NFIB: variants seen among roughly 807,000 people sequenced by gnomAD.
NFIB encodes the protein nuclear factor 1 B-type.
Under a neutral mutation model 61.5 loss-of-function variants are expected in NFIB, and 11 were observed. The observed-to-expected ratio is 0.18, with a 90% confidence interval of 0.11 to 0.30. NFIB has a LOEUF of 0.30. Among genes scored for constraint, NFIB ranks in the 10% least tolerant of loss-of-function variants. The pLI is 1.00. For missense variants in NFIB, 471 were observed against 608.9 expected, an observed-to-expected ratio of 0.77 and a Z score of 2.38; for synonymous variants, 260 against 216.5, an observed-to-expected ratio of 1.20 and a Z score of -1.76.
chr9:14,325,500 T>C (rs1479275331), intron 1 of NFIB, among the ~76,000 whole-genome samples: 2 of 152,202 alleles, frequency 1.3e-5, no homozygotes, highest in African/African-American at 4.8e-5. Context: ...TAATTATTTC[T>C]AAAAGGCTTG....
At chr9:14,102,691 C>G (rs1161914658) in intron 10 of NFIB, among the ~76,000 whole-genome samples, 2 of 151,580 alleles carry the variant, frequency 1.3e-5, no homozygotes, top group Non-Finnish European at 2.9e-5. Context: ...TTCCTAGACT[C>G]TTTTTTAGAA....
At chr9:14,312,543 T>G (rs966845103) in intron 1 of NFIB, among the ~76,000 whole-genome samples, 2 of 152,326 alleles carry the variant, frequency 1.3e-5, no homozygotes, top group East Asian at 3.9e-4. Context: ...GTTAGTTCCC[T>G]GGGCAGCGAT....
At chr9:14,493,387 T>A in the NFIB span, among the ~76,000 whole-genome samples, 1 of 152,298 alleles carries the variant, frequency 6.6e-6, no homozygotes, top group South Asian at 2.1e-4. Flanking sequence ...ATGCTAAATG[T>A]AATTTCACAG....
At chr9:14,093,971 T>C (rs1046575133) in intron 10 of NFIB, among the ~76,000 whole-genome samples, 8 of 152,124 alleles carry the variant, frequency 5.3e-5, no homozygotes, top group Non-Finnish European at 5.9e-5. Context: ...GGTACTGTTC[T>C]ACATGCTTGA....
intron 1 of NFIB, among the ~76,000 whole-genome samples, chr9:14,363,947 C>A (rs1276657528): frequency 6.6e-6 from 1 of 152,228 alleles, no homozygotes; most frequent in African/African-American, 2.4e-5. Context: ...TCTCCTTAAC[C>A]AATTGCCTAT....
chr9:14,430,574 C>CTATT, the NFIB span, among the ~76,000 whole-genome samples: 128 of 150,872 alleles, frequency 8.5e-4, no homozygotes, highest in East Asian at 6.7e-3. Flanking sequence ...CCCTGAAATG[C>CTATT]TATTTATTTA....
chr9:14,121,671 G>C (rs1586833733), intron 7 of NFIB, among the ~76,000 whole-genome samples: 3 of 152,132 alleles, frequency 2.0e-5, no homozygotes, highest in South Asian at 2.1e-4. Context: ...AAAAGATATT[G>C]TTAATATAAA....
the NFIB span, among the ~76,000 whole-genome samples, chr9:14,524,711 TAGC>T: frequency 2.0e-5 from 3 of 152,244 alleles, 1 homozygote; most frequent in African/African-American, 7.2e-5. Flanking sequence ...CTTTTGAGTT[TAGC>T]AGCAGAATTT....
intron 1 of NFIB, among the ~76,000 whole-genome samples, chr9:14,386,705 T>G (rs922818394): frequency 1.3e-5 from 2 of 152,234 alleles, no homozygotes; most frequent in Non-Finnish European, 2.9e-5. Flanking sequence ...TGAATGTTAG[T>G]GCTTCTATTT....
chr9:14,209,140 A>C (rs1018175151), intron 2 of NFIB, among the ~76,000 whole-genome samples: 5 of 152,228 alleles, frequency 3.3e-5, no homozygotes. Context: ...AGTGGGAAAA[A>C]TGCTGCAGAT....
At chr9:14,254,374 A>T (rs1350601283) in intron 2 of NFIB, among the ~76,000 whole-genome samples, 1 of 152,118 alleles carries the variant, frequency 6.6e-6, no homozygotes, top group Non-Finnish European at 1.5e-5. Flanking sequence ...CTAGAACCAG[A>T]TATGAGCTCC....
chr9:14,272,876 G>A (rs776356174), intron 2 of NFIB, among the ~76,000 whole-genome samples: 1 of 152,068 alleles, frequency 6.6e-6, no homozygotes, highest in African/African-American at 2.4e-5. Flanking sequence ...TTGTGTTAGA[G>A]TCTAATGCTG....
At chr9:14,398,957 G>C in exon 1 of NFIB, 1 of 277,554 alleles carries the variant, frequency 3.6e-6, no homozygotes. Context: ...GTAGGCATTT[G>C]ATCATCTAGA....
chr9:14,338,200 C>G (rs2060906778), intron 1 of NFIB, among the ~76,000 whole-genome samples: 1 of 152,100 alleles, frequency 6.6e-6, no homozygotes, highest in Non-Finnish European at 1.5e-5. Context: ...CGAGACCATC[C>G]TGTCTAACAC....
the NFIB span, among the ~76,000 whole-genome samples, chr9:14,477,840 G>A: frequency 3.3e-5 from 5 of 152,108 alleles, no homozygotes; most frequent in African/African-American, 7.2e-5. Flanking sequence ...ATCTAGATTC[G>A]TTAATCTAGC....
In NFIB at chr9:14,085,584, A is replaced by G. The variant is rs484555; in HGVS notation, c.*2725T>C. 0.46 allele frequency: 100,943 copies of G among 219,912 alleles called. 25,296 individuals carry two copies. Among genetic ancestry groups the G allele is most frequent in the African/African-American group, 0.67 (30,064 of 44,642 alleles). 13.6% of individuals were successfully genotyped at this position (219,912 alleles called of 1,614,324 possible). A position where few individuals can be genotyped will look rare whatever the true frequency, so the allele number is the denominator to read the frequency against. ...CTGGTTCTCAGTTTTAAAAGGGGAG[A>G]TAAAATGAAAACAGGATTTACTTTT... On this transcript the variant is annotated 3_prime_UTR_variant, in exon 11 of 11. Transcript: ENST00000380953.
At chr9:14,292,972 T>C (rs2059199441) in intron 2 of NFIB, among the ~76,000 whole-genome samples, 2 of 152,174 alleles carry the variant, frequency 1.3e-5, no homozygotes, top group Admixed American at 6.5e-5. Context: ...AAAGAAAGAA[T>C]AGAGTAAATC....
At chr9:14,315,662 G>T (rs1282377458), upstream of NFIB, among the ~76,000 whole-genome samples, 12 of 149,320 alleles carry the variant, frequency 8.0e-5, no homozygotes, top group East Asian at 2.0e-3. Context: ...CCCGTCGCCC[G>T]TGCAGGCTCC....
intron 6 of NFIB, among the ~76,000 whole-genome samples, chr9:14,137,555 C>G (rs897778986): frequency 2.2e-4 from 34 of 152,034 alleles, no homozygotes; most frequent in African/African-American, 8.2e-4. Flanking sequence ...TCTTAGTATA[C>G]AACTTTGTTA....
Sources: allele counts gnomAD v4.1 joint callset (sites outside exome capture counted in the v4.1 genomes callset), GRCh38; gene constraint gnomAD v4.1.1; transcripts MANE v1.5; gene names NCBI Gene and HGNC (gene_info 2026-07-23, HGNC 2026-07-21).